The following SLC39A11 variants were observed in gnomAD, a reference collection of about 807,000 sequenced individuals.
SLC39A11 encodes the protein solute carrier family 39 member 11, also known as zinc transporter ZIP11.
Under a neutral mutation model 36.1 loss-of-function variants are expected in SLC39A11, and 33 were observed. The ratio of observed to expected loss-of-function variants is 0.91; its 90% CI spans 0.69 to 1.22. The LOEUF is 1.22. Ranked by LOEUF, SLC39A11 falls within the 50% of genes most tolerant of loss-of-function variation. The probability of loss-of-function intolerance (pLI) is 0.00; values close to 1 mark genes in which losing one functional copy is unlikely to be tolerated. For missense variants in SLC39A11, 432 were observed against 430.3 expected, an observed-to-expected ratio of 1.00 and a Z score of -0.03; for synonymous variants, 166 against 170.3, an observed-to-expected ratio of 0.97 and a Z score of 0.20.
rs554160443 is a variant in SLC39A11 at position 72,864,906 on chromosome 17, C to T, written c.431-15102G>A. 2.6e-5 allele frequency among the ~76,000 whole-genome samples: 4 copies of T among 152,250 alleles called. No homozygotes were observed. In the East Asian group the frequency reaches 5.8e-4, roughly 22 times the overall value. On this transcript the variant is annotated intron_variant, in intron 5 of 9. Coordinates refer to ENST00000255559, the MANE Select transcript of SLC39A11 (RefSeq NM_139177.4). ...CTGTTCCCTGGCCGAGCCCAGAACA[C>T]GAAGGACCCAGCTAGGGAGTAAAGA...
chr17:72,689,713 T>C (rs1402306819), intron 7 of SLC39A11, among the ~76,000 whole-genome samples: 1 of 152,138 alleles, frequency 6.6e-6, no homozygotes, highest in Non-Finnish European at 1.5e-5. Context: ...TATTGTACGA[T>C]TCCACTGACA....
chr17:72,861,845 G>GTA (rs1178261542), intron 5 of SLC39A11, among the ~76,000 whole-genome samples: 3 of 139,278 alleles, frequency 2.2e-5, no homozygotes, highest in African/African-American at 5.3e-5. Context: ...TTCAAAAATT[G>GTA]TATATATATA....
At chr17:72,696,108 G>C (rs982734815) in intron 7 of SLC39A11, among the ~76,000 whole-genome samples, 20 of 152,012 alleles carry the variant, frequency 1.3e-4, no homozygotes, top group African/African-American at 4.1e-4. Flanking sequence ...AATTAAGCGA[G>C]GAAAAAAGTG....
At chr17:72,957,078 C>T (rs1306924200) in intron 4 of SLC39A11, among the ~76,000 whole-genome samples, 1 of 152,080 alleles carries the variant, frequency 6.6e-6, no homozygotes, top group Non-Finnish European at 1.5e-5. Flanking sequence ...TTGGTGGGGC[C>T]TGTCATCTTC....
chr17:72,955,298 C>CTTTTTTTTTTTTTTTTT (rs71359751), intron 4 of SLC39A11, among the ~76,000 whole-genome samples: 10 of 65,578 alleles, frequency 1.5e-4, no homozygotes, highest in Non-Finnish European at 2.1e-4. Context: ...TTTCAGTTCT[C>CTTTTTTTTTTTTTTTTT]TTTTTTTTTT....
chr17:72,884,268 T>G (rs944738186), intron 5 of SLC39A11, among the ~76,000 whole-genome samples: 1 of 152,256 alleles, frequency 6.6e-6, no homozygotes, highest in East Asian at 1.9e-4. Context: ...GTGGATGGCC[T>G]CAGGCCATGT....
intron 4 of SLC39A11, among the ~76,000 whole-genome samples, chr17:72,996,659 T>C (rs916990802): frequency 1.3e-5 from 2 of 152,200 alleles, no homozygotes; most frequent in African/African-American, 4.8e-5. Context: ...ATGAGTCATA[T>C]TGGATTTATG....
At chr17:72,698,932 G>T (rs966061801) in intron 7 of SLC39A11, among the ~76,000 whole-genome samples, 1 of 152,130 alleles carries the variant, frequency 6.6e-6, no homozygotes, top group Non-Finnish European at 1.5e-5. Context: ...CTGGGTTCAC[G>T]CCATTCTCCT....
chr17:72,785,388 G>A (rs73995792), intron 6 of SLC39A11, among the ~76,000 whole-genome samples: 27,688 of 152,102 alleles, frequency 0.18, 3,607 homozygotes, highest in African/African-American at 0.37. Context: ...GAAAGAGTCG[G>A]GAGAATTTCA....
intron 7 of SLC39A11, among the ~76,000 whole-genome samples, chr17:72,672,404 A>C (rs1169543314): frequency 6.6e-6 from 1 of 152,174 alleles, no homozygotes; most frequent in Admixed American, 6.5e-5. Context: ...AGCTGAGATC[A>C]TGCCACTGCC....
chr17:72,729,429 A>T (rs867110001), intron 7 of SLC39A11, among the ~76,000 whole-genome samples: 2 of 3,132 alleles, frequency 6.4e-4, no homozygotes, highest in African/African-American at 6.9e-4. Context: ...ATATATATAT[A>T]TATATATATA....
intron 6 of SLC39A11, among the ~76,000 whole-genome samples, chr17:72,748,603 A>G (rs1282768478): frequency 6.6e-6 from 1 of 152,198 alleles, no homozygotes; most frequent in African/African-American, 2.4e-5. Context: ...CGTTTGTATG[A>G]CTGAAGACAG....
At chr17:72,958,164 T>C (rs185939921) in intron 4 of SLC39A11, among the ~76,000 whole-genome samples, 4 of 152,292 alleles carry the variant, frequency 2.6e-5, no homozygotes, top group Admixed American at 2.0e-4. Flanking sequence ...GCTAAGCACA[T>C]ATAGGAGAAT....
chr17:72,915,992 C>A (rs2083308880), intron 5 of SLC39A11, among the ~76,000 whole-genome samples: 1 of 152,190 alleles, frequency 6.6e-6, no homozygotes, highest in Admixed American at 6.5e-5. Context: ...CAGTAATACT[C>A]GAGTACACAA....
chr17:72,901,221 G>C (rs962651216), intron 5 of SLC39A11, among the ~76,000 whole-genome samples: 5 of 152,244 alleles, frequency 3.3e-5, no homozygotes, highest in African/African-American at 1.2e-4. Context: ...GCGGGAGCTG[G>C]AGCGCATGGG....
intron 5 of SLC39A11, among the ~76,000 whole-genome samples, chr17:72,879,587 T>G (rs896446638): frequency 1.3e-5 from 2 of 152,204 alleles, no homozygotes; most frequent in Admixed American, 6.5e-5. Flanking sequence ...TTGTCTGTTT[T>G]GCCGTAGTGT....
At chr17:72,776,321 G>A (rs770815844) in intron 6 of SLC39A11, among the ~76,000 whole-genome samples, 27 of 152,112 alleles carry the variant, frequency 1.8e-4, no homozygotes, top group Admixed American at 1.0e-3. Context: ...CCAGAAGACA[G>A]CATTTAAAGT....
chr17:72,772,783 G>T (rs2435979), intron 6 of SLC39A11, among the ~76,000 whole-genome samples: 49,317 of 151,956 alleles, frequency 0.32, 9,767 homozygotes, highest in African/African-American at 0.55. Context: ...AAGGGAGAGA[G>T]GAAAGAGAGA....
chr17:72,723,782 C>G (rs1434000124), intron 7 of SLC39A11, among the ~76,000 whole-genome samples: 3 of 152,128 alleles, frequency 2.0e-5, no homozygotes, highest in Non-Finnish European at 4.4e-5. Flanking sequence ...GATCATTCAC[C>G]CATCTGTCCA....
Sources: gnomAD v4.1 joint callset for allele counts (sites outside exome capture counted in the v4.1 genomes callset) on GRCh38, gnomAD v4.1.1 for gene constraint, MANE v1.5 for transcripts, NCBI Gene and HGNC (gene_info 2026-07-23, HGNC 2026-07-21) for gene names.